Variants in CTNNA3 observed in about 807,000 individuals in gnomAD.
CTNNA3 encodes the protein catenin alpha-3.
Under a neutral mutation model 95.7 loss-of-function variants are expected in CTNNA3, and 76 were observed. That is an observed-to-expected ratio of 0.79 (90% confidence interval 0.66 to 0.96). The LOEUF is 0.96. Ranked by LOEUF, CTNNA3 falls within the 40% of genes least tolerant of loss-of-function variation. CTNNA3 has a pLI of 0.00. For synonymous variants in CTNNA3, 431 were observed against 374.4 expected (o/e 1.15, Z -1.74); for missense variants, 1,191 against 1,089.8 (o/e 1.09, Z -1.31).
intron 3 of CTNNA3, among the ~76,000 whole-genome samples, chr10:67,586,204 A>AT (rs138650725): frequency 5.3e-5 from 8 of 151,838 alleles, no homozygotes; most frequent in Admixed American, 1.3e-4. Context: ...TATGATTTCA[A>AT]TTTTTTTTAA....
chr10:67,747,135 G>T (rs1841378633), intron 1 of CTNNA3, among the ~76,000 whole-genome samples: 1 of 152,194 alleles, frequency 6.6e-6, no homozygotes, highest in African/African-American at 2.4e-5. Context: ...GATCTCCCTG[G>T]GCCTGAGCCC....
chr10:67,079,475 G>T (rs529059706), intron 7 of CTNNA3, among the ~76,000 whole-genome samples: 7 of 152,122 alleles, frequency 4.6e-5, no homozygotes, highest in Non-Finnish European at 1.0e-4. Context: ...AATATCTCCC[G>T]AGGATCAGAG....
At chr10:67,466,501 CAG>C (rs1297621880) in intron 5 of CTNNA3, among the ~76,000 whole-genome samples, 1 of 152,122 alleles carries the variant, frequency 6.6e-6, no homozygotes, top group Admixed American at 6.6e-5. Context: ...TTAGGATAAT[CAG>C]ATATGCAGAG....
intron 3 of CTNNA3, among the ~76,000 whole-genome samples, chr10:67,590,824 T>C (rs1019401820): frequency 6.6e-6 from 1 of 152,098 alleles, no homozygotes; most frequent in African/African-American, 2.4e-5. Context: ...TATCTTTCCA[T>C]TTTCTTTTAA....
chr10:66,355,314 A>G (rs2132404610), intron 12 of CTNNA3, among the ~76,000 whole-genome samples: 1 of 152,238 alleles, frequency 6.6e-6, no homozygotes, highest in South Asian at 2.1e-4. Flanking sequence ...ACTGGGTCAC[A>G]TTGGGAAAAT....
chr10:67,232,773 G>A lies in CTNNA3; in HGVS notation c.580-12903C>T, dbSNP rs1175666556. Among the ~76,000 whole-genome samples, 20 of 151,706 alleles carry A rather than the reference G, an allele frequency of 1.3e-4. No homozygotes were observed. The South Asian group carries it at 1.7e-3, about 13-fold the overall frequency. ...GCTGTATTCAGGAAACCCATCTCAC[G>A]TGCAGAGACACACATAGGCTCAAAA... is the stretch of plus-strand genomic sequence containing the variant. On this transcript the variant is annotated intron_variant, in intron 5 of 17. Transcript: ENST00000433211.
At chr10:66,181,830 T>C (rs1470337321) in intron 13 of CTNNA3, among the ~76,000 whole-genome samples, 1 of 152,190 alleles carries the variant, frequency 6.6e-6, no homozygotes, top group Non-Finnish European at 1.5e-5. Flanking sequence ...ACTAATCAGT[T>C]ACATTAAAGC....
At chr10:66,278,488 T>C (rs1379991487) in intron 13 of CTNNA3, among the ~76,000 whole-genome samples, 3 of 151,928 alleles carry the variant, frequency 2.0e-5, no homozygotes, top group Non-Finnish European at 4.4e-5. Context: ...TGGGAGAAAA[T>C]TACTGCTCTC....
intron 5 of CTNNA3, among the ~76,000 whole-genome samples, chr10:67,444,263 T>C (rs1846653265): frequency 6.6e-6 from 1 of 152,028 alleles, no homozygotes; most frequent in Admixed American, 6.5e-5. Flanking sequence ...TATACAAACA[T>C]ATGAAAATTA....
intron 7 of CTNNA3, among the ~76,000 whole-genome samples, chr10:67,008,926 G>T (rs530784612): frequency 1.6e-3 from 249 of 152,118 alleles, no homozygotes; most frequent in African/African-American, 5.8e-3. Flanking sequence ...AAATGTTTGT[G>T]CATTTGAATT....
intron 7 of CTNNA3, among the ~76,000 whole-genome samples, chr10:66,818,615 G>A (rs56962052): frequency 0.027 from 4,132 of 152,186 alleles, 177 homozygotes; most frequent in African/African-American, 0.094. Context: ...TTAAATAAAT[G>A]GAAAGACATT....
intron 7 of CTNNA3, among the ~76,000 whole-genome samples, chr10:67,129,027 T>A (rs941383544): frequency 1.3e-5 from 2 of 152,064 alleles, no homozygotes; most frequent in Non-Finnish European, 2.9e-5. Context: ...ACTGCAAATA[T>A]AAGGGAGGAA....
At chr10:67,066,412 C>T (rs953764348) in intron 7 of CTNNA3, among the ~76,000 whole-genome samples, 3 of 151,882 alleles carry the variant, frequency 2.0e-5, no homozygotes, top group South Asian at 4.2e-4. Context: ...AGGATGATCT[C>T]GATCTCTTGA....
At position 67,620,923 on chromosome 10, in the gene CTNNA3, G is replaced by GTATA. The variant is rs56300519; in HGVS notation, c.100-13878_100-13875dup. On this transcript the variant is annotated intron_variant, in intron 2 of 17. Coordinates refer to ENST00000433211, the MANE Select transcript of CTNNA3 (RefSeq NM_013266.4). ...TGTATATGTGTGTGTGTGTGTGTGTGTATATATATATATATATATATATAT... is the reference window on the plus strand; with the variant it reads ...TGTATATGTGTGTGTGTGTGTGTGTGTATATATATATATATATATATATATATAT... Among the ~76,000 whole-genome samples the GTATA allele has an allele frequency of 2.2e-3, 277 of 123,808 alleles. 1 individual carries two copies. Among genetic ancestry groups the GTATA allele is most frequent in the South Asian group, 6.4e-3 (25 of 3,912 alleles). The allele number at this position is 123,808 out of a possible 152,430, so 81.2% of individuals were successfully genotyped here.
chr10:66,174,289 A>C (rs116398521), intron 13 of CTNNA3, among the ~76,000 whole-genome samples: 4,613 of 152,204 alleles, frequency 0.03, 244 homozygotes, highest in African/African-American at 0.11. Flanking sequence ...AAATGGTAAA[A>C]TATAACAAAG....
rs186329015 is a variant in CTNNA3, at chr10:67,102,774, T to C, written c.1047+77543A>G. 2.0e-5 allele frequency among the ~76,000 whole-genome samples: 3 copies of C among 151,968 alleles called. No homozygotes were observed. The East Asian group carries it at 5.8e-4, about 29-fold the overall frequency. On this transcript the variant is annotated intron_variant, in intron 7 of 17. Transcript: ENST00000433211. ...AAATTGATTTCCATATATCTTGTGT[T>C]ATTATAACACAGCACACTTGTACTA...
intron 5 of CTNNA3, among the ~76,000 whole-genome samples, chr10:67,402,901 C>T (rs543376223): frequency 6.6e-6 from 1 of 152,306 alleles, no homozygotes; most frequent in East Asian, 1.9e-4. Context: ...ATACATACCC[C>T]TAGGAAGGGG....
rs967385881 is a variant in CTNNA3, at chr10:65,916,441, C to A, written c.*3889G>T. ...GGCTGTTTATTCTGCAATGAGTTCACAAGAGAATGGTGGATATCACCAGGA... is the reference window on the plus strand; with the variant it reads ...GGCTGTTTATTCTGCAATGAGTTCAAAAGAGAATGGTGGATATCACCAGGA... On this transcript the variant is annotated 3_prime_UTR_variant, in exon 18 of 18. Coordinates refer to ENST00000433211, the MANE Select transcript of CTNNA3 (RefSeq NM_013266.4). 2.6e-5 allele frequency: 4 copies of A among 152,026 alleles called. No individual in the cohort carries two copies. The highest frequency in any genetic ancestry group is 5.9e-5 in the Non-Finnish European group (4 of 67,994). The allele number at this position is 152,026 out of a possible 1,614,324, so 9.4% of individuals were successfully genotyped here. A position where few individuals can be genotyped will look rare whatever the true frequency, so the allele number is the denominator to read the frequency against.
In CTNNA3 at chr10:66,030,556, C is replaced by T. The variant is rs1297977398; in HGVS notation, c.2159+38752G>A. On this transcript the variant is annotated intron_variant, in intron 15 of 17. Transcript: ENST00000433211. Reference sequence around the variant, plus strand: ...AGCCATCACCATATACAAAAATTAACTCAAGATGGATTAACAACTTAAATG... The same window carrying T: ...AGCCATCACCATATACAAAAATTAATTCAAGATGGATTAACAACTTAAATG... 2.0e-5 allele frequency among the ~76,000 whole-genome samples: 3 copies of T among 152,096 alleles called. No homozygotes were observed. The East Asian group carries it at 5.8e-4, about 29-fold the overall frequency.
Sources: gnomAD v4.1 joint callset for allele counts (sites outside exome capture counted in the v4.1 genomes callset) on GRCh38, gnomAD v4.1.1 for gene constraint, MANE v1.5 for transcripts, NCBI Gene and HGNC (gene_info 2026-07-23, HGNC 2026-07-21) for gene names.